PCDH9: variants seen among roughly 807,000 people sequenced by gnomAD.
The protein encoded by PCDH9 is protocadherin 9.
A neutral mutation model predicts 70.6 loss-of-function variants in PCDH9; 24 were observed. The ratio of observed to expected loss-of-function variants is 0.34; its 90% CI spans 0.25 to 0.48. The LOEUF (loss-of-function observed/expected upper bound fraction) is 0.48, where lower values mean the gene tolerates loss of function less well. Among genes scored for constraint, PCDH9 ranks in the 20% least tolerant of loss-of-function variants. The pLI is 0.99. For missense variants in PCDH9, 1,281 were observed against 1,503.6 expected (o/e 0.85, Z 2.45); for synonymous variants, 562 against 558.5 (o/e 1.01, Z -0.09).
At chr13:66,746,727 A>C (rs1438110652) in intron 3 of PCDH9, among the ~76,000 whole-genome samples, 2 of 152,226 alleles carry the variant, frequency 1.3e-5, no homozygotes, top group African/African-American at 4.8e-5. Flanking sequence ...AACTTCTTCA[A>C]GAATAAGTAG....
At chr13:67,146,613 G>A (rs532100289) in intron 2 of PCDH9, among the ~76,000 whole-genome samples, 59 of 152,116 alleles carry the variant, frequency 3.9e-4, no homozygotes, top group South Asian at 1.5e-3. Flanking sequence ...ATGGAACATC[G>A]GAAACCAGCA....
intron 3 of PCDH9, among the ~76,000 whole-genome samples, chr13:66,887,543 T>C (rs562164310): frequency 3.9e-5 from 6 of 152,324 alleles, no homozygotes; most frequent in African/African-American, 1.4e-4. Flanking sequence ...TAGAGTGCCC[T>C]CATAAACAGC....
chr13:66,971,402 C>CT (rs2083519846), intron 2 of PCDH9, among the ~76,000 whole-genome samples: 1 of 151,926 alleles, frequency 6.6e-6, no homozygotes, highest in African/African-American at 2.4e-5. Context: ...TTAAAAATCC[C>CT]TTTTTTAAAA....
intron 4 of PCDH9, among the ~76,000 whole-genome samples, chr13:66,564,451 C>T (rs1424576900): frequency 6.6e-6 from 1 of 151,984 alleles, no homozygotes; most frequent in Admixed American, 6.6e-5. Context: ...CAGGCATGAC[C>T]CACCACACTA....
At chr13:66,807,393 A>G (rs1383478123) in intron 3 of PCDH9, among the ~76,000 whole-genome samples, 1 of 152,174 alleles carries the variant, frequency 6.6e-6, no homozygotes, top group Non-Finnish European at 1.5e-5. Flanking sequence ...AAAATTTGAA[A>G]TAATCAAACT....
intron 2 of PCDH9, among the ~76,000 whole-genome samples, chr13:67,037,703 T>C (rs2085037680): frequency 6.6e-6 from 1 of 152,224 alleles, no homozygotes; most frequent in African/African-American, 2.4e-5. Context: ...GTGGCAGATA[T>C]ATTTTGAAAG....
intron 4 of PCDH9, among the ~76,000 whole-genome samples, chr13:66,551,904 G>A: frequency 6.6e-6 from 1 of 152,120 alleles, no homozygotes; most frequent in East Asian, 1.9e-4. Context: ...TATTTCATAT[G>A]AAGATTTTGT....
At chr13:66,875,975 C>A (rs996681638) in intron 3 of PCDH9, among the ~76,000 whole-genome samples, 2 of 152,108 alleles carry the variant, frequency 1.3e-5, no homozygotes, top group African/African-American at 4.8e-5. Context: ...TTTTATAAAA[C>A]GTTGAGTTTG....
chr13:66,991,086 C>A (rs889964543), intron 2 of PCDH9: 4 of 151,970 alleles, frequency 2.6e-5, no homozygotes, highest in African/African-American at 9.7e-5. Flanking sequence ...CACATCTCAT[C>A]TGGACCAGAG....
chr13:66,824,172 A>G (rs977858892), intron 3 of PCDH9, among the ~76,000 whole-genome samples: 25 of 151,534 alleles, frequency 1.6e-4, no homozygotes, highest in Non-Finnish European at 2.9e-4. Flanking sequence ...ATCTACTTAA[A>G]TAATTTAAAT....
At chr13:67,118,067 C>CAGTT (rs1400276707) in intron 2 of PCDH9, among the ~76,000 whole-genome samples, 49 of 152,112 alleles carry the variant, frequency 3.2e-4, no homozygotes, top group Non-Finnish European at 6.6e-4. Flanking sequence ...ATCTAACTTG[C>CAGTT]AGTTATGAGT....
intron 4 of PCDH9, among the ~76,000 whole-genome samples, chr13:66,564,981 G>T (rs1218684647): frequency 6.6e-6 from 1 of 151,878 alleles, no homozygotes; most frequent in Non-Finnish European, 1.5e-5. Flanking sequence ...ATCATGGGGA[G>T]AATATTCTTC....
chr13:67,188,831 G>T (rs938596632), intron 2 of PCDH9, among the ~76,000 whole-genome samples: 1 of 151,762 alleles, frequency 6.6e-6, no homozygotes, highest in African/African-American at 2.4e-5. Flanking sequence ...GGTGGTATTT[G>T]GTTACATGAG....
At position 67,226,451 on chromosome 13, in the gene PCDH9, T is replaced by C; in HGVS notation, c.1990A>G (p.Asn664Asp). The change falls in exon 2 of 5, where the codon AAC becomes GAC. Residue 664 changes from asparagine to aspartate, a missense_variant. Physicochemically the swap from Asn to Asp is conservative, Grantham distance 23 (BLOSUM62 1). This residue lies in a region of PCDH9 where 798 missense variants were observed against 1,003.1 expected (regional missense o/e 0.80). Transcript: ENST00000377865. This position sits in a 1 kb window ranked among gnomAD's most constrained non-coding sequence, Gnocchi z 5.0. ...PRSSTAKVTI[N>D]VMDVNDNSPV... ...CTGTTGTCATTGACATCCATGACGTTGATAGTTACTTTTGCAGTAGAGGAA... is the reference window on the plus strand; with the variant it reads ...CTGTTGTCATTGACATCCATGACGTCGATAGTTACTTTTGCAGTAGAGGAA... 1 of 1,614,028 alleles carries C rather than the reference T, an allele frequency of 6.2e-7. No individual in the cohort carries two copies. The highest frequency in any genetic ancestry group is 8.5e-7 in the Non-Finnish European group (1 of 1,179,906).
intron 4 of PCDH9, among the ~76,000 whole-genome samples, chr13:66,586,311 T>G (rs1205044959): frequency 8.0e-6 from 1 of 125,546 alleles, no homozygotes; most frequent in Non-Finnish European, 1.7e-5. Flanking sequence ...TTAAATAAAA[T>G]TTAAAATTTA....
intron 3 of PCDH9, among the ~76,000 whole-genome samples, chr13:66,650,339 A>G (rs992663901): frequency 2.0e-5 from 3 of 152,022 alleles, no homozygotes; most frequent in Non-Finnish European, 2.9e-5. Context: ...CAGTATTTGT[A>G]TCAAACAGAT....
At chr13:66,433,817 T>A (rs1203684199) in intron 4 of PCDH9, among the ~76,000 whole-genome samples, 1 of 151,866 alleles carries the variant, frequency 6.6e-6, no homozygotes, top group African/African-American at 2.4e-5. Context: ...TTTTTATAAA[T>A]ATAATATTAA....
intron 4 of PCDH9, among the ~76,000 whole-genome samples, chr13:66,622,792 C>T (rs1230024520): frequency 6.6e-6 from 1 of 152,190 alleles, no homozygotes; most frequent in East Asian, 1.9e-4. Context: ...GCAATCCGCG[C>T]TGGTGGACTT....
intron 3 of PCDH9, among the ~76,000 whole-genome samples, chr13:66,713,995 TTTA>T (rs1440825662): frequency 6.6e-6 from 1 of 152,060 alleles, no homozygotes; most frequent in Non-Finnish European, 1.5e-5. Flanking sequence ...GGCAAATTGG[TTTA>T]TTGTTTCTTC....
Sources: gnomAD v4.1 joint callset for allele counts (sites outside exome capture counted in the v4.1 genomes callset) on GRCh38, gnomAD v4.1.1 for gene constraint, gnomAD v4.1.1 regional missense constraint, Gnocchi (gnomAD v3.1) non-coding constraint, MANE v1.5 for transcripts, NCBI Gene and HGNC (gene_info 2026-07-23, HGNC 2026-07-21) for gene names.